Variants in ANKS1B observed in about 807,000 individuals in gnomAD.
ANKS1B encodes the protein ankyrin repeat and sterile alpha motif domain containing 1B.
Under a neutral mutation model 148.3 loss-of-function variants are expected in ANKS1B, and 36 were observed. That is an observed-to-expected ratio of 0.24 (90% CI 0.19 to 0.32). ANKS1B has a LOEUF of 0.32. Among genes scored for constraint, ANKS1B ranks in the 10% least tolerant of loss-of-function variants. The probability of loss-of-function intolerance (pLI) is 1.00; values close to 1 mark genes in which losing one functional copy is unlikely to be tolerated. For missense variants in ANKS1B, 1,157 were observed against 1,542.6 expected (o/e 0.75, Z 4.19); for synonymous variants, 542 against 560.8 (o/e 0.97, Z 0.47).
At chr12:99,036,268 A>G (rs1241321917) in intron 17 of ANKS1B, among the ~76,000 whole-genome samples, 1 of 152,194 alleles carries the variant, frequency 6.6e-6, no homozygotes, top group African/African-American at 2.4e-5. Flanking sequence ...CACTCTTGGT[A>G]TATGAACACA....
chr12:99,015,321 CG>C (rs1184882344), intron 17 of ANKS1B, among the ~76,000 whole-genome samples: 1 of 152,096 alleles, frequency 6.6e-6, no homozygotes, highest in East Asian at 1.9e-4. Flanking sequence ...GGGAACTGAA[CG>C]ATGAGAACAC....
At chr12:99,908,928 A>T (rs1479107568) in intron 1 of ANKS1B, among the ~76,000 whole-genome samples, 2 of 152,098 alleles carry the variant, frequency 1.3e-5, no homozygotes, top group Non-Finnish European at 2.9e-5. Context: ...ATCTCTAGAC[A>T]TGCTGTACAT....
At position 99,404,446 on chromosome 12, in the gene ANKS1B, A is replaced by G. The variant is rs182693098; in HGVS notation, c.1576-4635T>C. On this transcript the variant is annotated intron_variant, in intron 11 of 26. Transcript: ENST00000683438. ...CCTATCAGATAAATTTAACAAAGAGATTGAAATTATTGAAAAGAATCAAGC... is the reference window on the plus strand; with the variant it reads ...CCTATCAGATAAATTTAACAAAGAGGTTGAAATTATTGAAAAGAATCAAGC... 2.5e-3 allele frequency among the ~76,000 whole-genome samples: 361 copies of G among 145,870 alleles called. 55 individuals carry two copies. Among genetic ancestry groups the G allele is most frequent in the African/African-American group, 8.9e-3 (341 of 38,450 alleles).
intron 25 of ANKS1B, among the ~76,000 whole-genome samples, chr12:98,752,719 G>A (rs2098126559): frequency 6.6e-6 from 1 of 152,302 alleles, no homozygotes; most frequent in South Asian, 2.1e-4. Flanking sequence ...ACCATTCAAA[G>A]CTCTCCCTGT....
chr12:99,509,656 T>A (rs965547803), intron 9 of ANKS1B, among the ~76,000 whole-genome samples: 3 of 151,916 alleles, frequency 2.0e-5, no homozygotes, highest in Non-Finnish European at 4.4e-5. Flanking sequence ...CTCCATAACA[T>A]AAAAGTGCAA....
chr12:99,060,616 T>C (rs2042073093), intron 16 of ANKS1B, among the ~76,000 whole-genome samples: 1 of 144,032 alleles, frequency 6.9e-6, no homozygotes, highest in Non-Finnish European at 1.5e-5. Context: ...ATATATGTGG[T>C]TATATATATA....
Position 98,751,556 on chromosome 12 carries a change from C to A in ANKS1B, c.3580-34G>T, listed in dbSNP as rs115108330. On this transcript the variant is annotated intron_variant, in intron 25 of 26. Coordinates refer to ENST00000683438, the MANE Select transcript of ANKS1B (RefSeq NM_001352186.2). The surrounding 1 kb of genome is among the most constrained non-coding windows in gnomAD (Gnocchi z 4.3). Reference sequence around the variant, plus strand: ...AAAATGAGAAAGCATTTGCTACTGGCACACTGCAAATTAGAATGGGTCGAA... The same window carrying A: ...AAAATGAGAAAGCATTTGCTACTGGAACACTGCAAATTAGAATGGGTCGAA... 4.1e-4 allele frequency: 661 copies of A among 1,607,656 alleles called. 3 individuals are homozygous for A. In the African/African-American group the frequency reaches 8.1e-3, roughly 20 times the overall value.
chr12:99,352,208 T>G (rs1246839535), intron 12 of ANKS1B: 1 of 152,050 alleles, frequency 6.6e-6, no homozygotes, highest in Non-Finnish European at 1.5e-5. Context: ...TAAATTAAAG[T>G]TCTTCTAAGA....
chr12:99,118,447 G>T (rs1437811999), intron 15 of ANKS1B, among the ~76,000 whole-genome samples: 1 of 152,156 alleles, frequency 6.6e-6, no homozygotes, highest in Non-Finnish European at 1.5e-5. Flanking sequence ...ATCTTTTATT[G>T]TGCAGCTTTA....
chr12:99,620,746 A>C (rs1044260381), intron 9 of ANKS1B, among the ~76,000 whole-genome samples: 5 of 152,186 alleles, frequency 3.3e-5, no homozygotes, highest in African/African-American at 7.2e-5. Context: ...GTCTTCAAGA[A>C]AGATAAGATT....
At position 98,781,887 on chromosome 12, in the gene ANKS1B, A is replaced by G. The variant is rs139669419; in HGVS notation, c.3354+239T>C. Among the ~76,000 whole-genome samples the G allele has an allele frequency of 9.3e-3, 1,417 of 152,290 alleles. 17 individuals carry two copies. Among genetic ancestry groups the G allele is most frequent in the South Asian group, 0.043 (208 of 4,816 alleles). Reference sequence around the variant, plus strand: ...GACAGCCCAGGTAACCTACTTTATCATTTAGAGCTGCTACATTCCCTTAGG... The same window carrying G: ...GACAGCCCAGGTAACCTACTTTATCGTTTAGAGCTGCTACATTCCCTTAGG... On this transcript the variant is annotated intron_variant, in intron 23 of 26. Transcript: ENST00000683438.
intron 1 of ANKS1B, among the ~76,000 whole-genome samples, chr12:99,851,205 A>C (rs1290779973): frequency 1.3e-5 from 2 of 152,136 alleles, no homozygotes; most frequent in African/African-American, 2.4e-5. Context: ...TATGTTGGTT[A>C]GGTTTCCTGT....
chr12:99,343,209 T>G (rs1029642654), intron 12 of ANKS1B, among the ~76,000 whole-genome samples: 2 of 152,034 alleles, frequency 1.3e-5, no homozygotes, highest in African/African-American at 4.8e-5. Context: ...TGAAACACAT[T>G]TAGTGATGAG....
At chr12:98,783,436 C>A (rs2098757017) in intron 22 of ANKS1B, among the ~76,000 whole-genome samples, 1 of 152,148 alleles carries the variant, frequency 6.6e-6, no homozygotes, top group African/African-American at 2.4e-5. Flanking sequence ...CCTGCTAGGT[C>A]TGATAGGAAG....
chr12:99,719,824 T>C (rs957376464), intron 8 of ANKS1B, among the ~76,000 whole-genome samples: 2 of 152,136 alleles, frequency 1.3e-5, no homozygotes, highest in African/African-American at 4.8e-5. Context: ...GGGCATCAGA[T>C]CCCATCGCTC....
intron 1 of ANKS1B, among the ~76,000 whole-genome samples, chr12:99,971,719 T>C (rs1379362915): frequency 6.6e-6 from 1 of 152,120 alleles, no homozygotes; most frequent in African/African-American, 2.4e-5. Flanking sequence ...AGGAATAACC[T>C]GGATGCTGAA....
At chr12:99,919,181 GTGATA>G (rs910591309) in intron 1 of ANKS1B, among the ~76,000 whole-genome samples, 18 of 152,116 alleles carry the variant, frequency 1.2e-4, no homozygotes, top group South Asian at 8.3e-4. Flanking sequence ...TTTCCTAAAA[GTGATA>G]TGATAGAAAG....
chr12:99,203,197 T>C (rs1164381776), intron 14 of ANKS1B, among the ~76,000 whole-genome samples: 1 of 152,006 alleles, frequency 6.6e-6, no homozygotes, highest in East Asian at 1.9e-4. Flanking sequence ...TGATAAAGAG[T>C]TTCAGGAGGG....
chr12:99,689,380 T>C (rs2098667097), intron 8 of ANKS1B, among the ~76,000 whole-genome samples: 1 of 151,930 alleles, frequency 6.6e-6, no homozygotes, highest in African/African-American at 2.4e-5. Flanking sequence ...AATACAAGAG[T>C]AAGCTTAGTG....
Sources: gnomAD v4.1 joint callset for allele counts (sites outside exome capture counted in the v4.1 genomes callset) on GRCh38, gnomAD v4.1.1 for gene constraint, Gnocchi (gnomAD v3.1) non-coding constraint, MANE v1.5 for transcripts, NCBI Gene and HGNC (gene_info 2026-07-23, HGNC 2026-07-21) for gene names.